Variants in SEPTIN10 observed in about 807,000 individuals in gnomAD.
SEPTIN10 encodes septin 10.
SEPTIN10 carries 66 observed loss-of-function variants against 54.8 expected under a neutral mutation model. That is an observed-to-expected ratio of 1.21 (90% confidence interval 0.99 to 1.48). SEPTIN10 has a LOEUF of 1.48. Among genes scored for constraint, SEPTIN10 ranks in the 40% most tolerant of loss-of-function variants. The pLI is 0.00. For synonymous variants in SEPTIN10, 161 were observed against 181.0 expected (o/e 0.89, Z 0.89); for missense variants, 620 against 545.6 (o/e 1.14, Z -1.36).
intron 4 of SEPTIN10, among the ~76,000 whole-genome samples, chr2:109,583,147 C>G (rs1262506787): frequency 6.6e-6 from 1 of 152,112 alleles, no homozygotes; most frequent in Non-Finnish European, 1.5e-5. Flanking sequence ...TCCTGAAAAG[C>G]AAATGCAACA....
At chr2:109,558,548 T>C (rs945782808) in intron 8 of SEPTIN10, among the ~76,000 whole-genome samples, 1 of 152,200 alleles carries the variant, frequency 6.6e-6, no homozygotes, top group Admixed American at 6.5e-5. Flanking sequence ...TTTCCAATGG[T>C]TGAAATAATT....
rs1680745508 is a variant in SEPTIN10 at position 109,544,773 on chromosome 2, CTATT to C, written c.1350-453_1350-450del. 4 of 817,764 alleles carry C rather than the reference CTATT, an allele frequency of 4.9e-6. No homozygotes were observed. The South Asian group carries it at 1.7e-4, about 34-fold the overall frequency. 50.7% of individuals were successfully genotyped at this position (817,764 alleles called of 1,614,324 possible). ...GCTTGAATAAAATACAGCTTTTATA[CTATT>C]TATTCTTTCAAAAATAATTGCATGC... On this transcript the variant is annotated intron_variant, in intron 10 of 10. Transcript: ENST00000397712.
Position 109,558,077 on chromosome 2 carries a change from C to T in SEPTIN10, c.1029-4858G>A, listed in dbSNP as rs550411021. ...ATAGTGTTGGGATTACAGGCGTGAACGACTGCACCTGGCCTGACATGAATA... is the reference window on the plus strand; with the variant it reads ...ATAGTGTTGGGATTACAGGCGTGAATGACTGCACCTGGCCTGACATGAATA... On this transcript the variant is annotated intron_variant, in intron 8 of 10. Transcript: ENST00000397712. Among the ~76,000 whole-genome samples, 11 of 152,228 alleles carry T rather than the reference C, an allele frequency of 7.2e-5. No individual in the cohort carries two copies. In the South Asian group the frequency reaches 1.5e-3, roughly 20 times the overall value.
At chr2:109,610,409 C>T (rs923479271) in intron 1 of SEPTIN10, among the ~76,000 whole-genome samples, 3 of 151,906 alleles carry the variant, frequency 2.0e-5, no homozygotes, top group Non-Finnish European at 4.4e-5. Flanking sequence ...TTTTAATATC[C>T]TCTTCTATTA....
chr2:109,590,378 C>A (rs796237514), intron 2 of SEPTIN10, among the ~76,000 whole-genome samples: 1 of 151,602 alleles, frequency 6.6e-6, no homozygotes, highest in Non-Finnish European at 1.5e-5. Context: ...AGTCAGTCTT[C>A]GGAAGGGAGA....
At chr2:109,587,352 A>G (rs1692795369) in intron 2 of SEPTIN10, among the ~76,000 whole-genome samples, 2 of 152,212 alleles carry the variant, frequency 1.3e-5, no homozygotes, top group South Asian at 4.1e-4. Flanking sequence ...AGATAAAACT[A>G]TGACAGTCTT....
At position 109,564,439 on chromosome 2, in the gene SEPTIN10, A is replaced by T. The variant is rs1329599321; in HGVS notation, c.955T>A (p.Tyr319Asn). 1 of 1,599,308 alleles carries T rather than the reference A, an allele frequency of 6.3e-7. No individual in the cohort carries two copies. ...AGTTTGCAGCGCCTGTAAAGCTCAT[A>T]GTGCCTGGTATGGGTCTGCTCTCGC... The part of the protein sequence containing the change: ...DLREQTHTRH[Y>N]ELYRRCKLEE... The change falls in exon 8 of 11, where the codon TAT becomes AAT. Residue 319 changes from tyrosine (Y) to asparagine (N), a missense_variant. Transcript: ENST00000397712.
At chr2:109,607,490 A>C (rs1161919396) in intron 1 of SEPTIN10, among the ~76,000 whole-genome samples, 1 of 152,172 alleles carries the variant, frequency 6.6e-6, no homozygotes, top group African/African-American at 2.4e-5. Context: ...GGACAAAAAT[A>C]AATAAATAAA....
intron 8 of SEPTIN10, among the ~76,000 whole-genome samples, chr2:109,557,851 CTTTT>C (rs202104089): frequency 7.1e-6 from 1 of 140,796 alleles, no homozygotes. Flanking sequence ...TCATAATTTT[CTTTT>C]TTTTTTTTTT....
intron 9 of SEPTIN10, 107 bp from the exon 10 acceptor site, chr2:109,546,344 C>T (rs1681238416): frequency 1.7e-6 from 1 of 590,806 alleles, no homozygotes; most frequent in Non-Finnish European, 2.7e-6. Flanking sequence ...ACAGAATAAC[C>T]TACACAGTCA....
chr2:109,563,602 T>G (rs1248850064), intron 8 of SEPTIN10, among the ~76,000 whole-genome samples: 1 of 152,140 alleles, frequency 6.6e-6, no homozygotes, highest in African/African-American at 2.4e-5. Context: ...CCATATAAAA[T>G]TACCAAGGAA....
At chr2:109,613,214 A>T in intron 1 of SEPTIN10, 1 of 1,282,250 alleles carries the variant, frequency 7.8e-7, no homozygotes, top group Non-Finnish European at 1.0e-6. Flanking sequence ...AAGCGAGATA[A>T]ATCTACAAAA....
chr2:109,554,757 G>T (rs191602230), intron 8 of SEPTIN10, among the ~76,000 whole-genome samples: 30 of 152,206 alleles, frequency 2.0e-4, no homozygotes, highest in Non-Finnish European at 2.2e-4. Context: ...CCTCATATAT[G>T]TAACAGGTAC....
At position 109,590,046 on chromosome 2, in the gene SEPTIN10, ATATG is replaced by A. The variant is rs199516583; in HGVS notation, c.99+3001_99+3004del. On this transcript the variant is annotated intron_variant, in intron 2 of 10. Transcript: ENST00000397712. The stretch of plus-strand genomic sequence containing the variant: ...TACACACACATATATACACACATAT[ATATG>A]TGTGTGTATATATATACACACACAT... Among the ~76,000 whole-genome samples, 1,219 of 147,746 alleles carry A rather than the reference ATATG, an allele frequency of 8.3e-3. 12 individuals are homozygous for A. Among genetic ancestry groups the A allele is most frequent in the Non-Finnish European group, 0.013 (869 of 67,212 alleles).
intron 2 of SEPTIN10, among the ~76,000 whole-genome samples, chr2:109,590,078 A>ATATGTATATATATACACACATATATATG (rs1346301552): frequency 6.8e-5 from 10 of 147,576 alleles, no homozygotes; most frequent in East Asian, 5.9e-4. Flanking sequence ...ACACACATAT[A>ATATGTATATATATACACACATATATATG]TATGTATATA....
At chr2:109,560,828 C>T (rs1259839580) in intron 8 of SEPTIN10, among the ~76,000 whole-genome samples, 1 of 152,118 alleles carries the variant, frequency 6.6e-6, no homozygotes, top group East Asian at 1.9e-4. Context: ...CTTCTAGCCT[C>T]CTGCTTTCTC....
At chr2:109,545,535 C>T (rs943259166) in intron 10 of SEPTIN10, 1 of 1,535,908 alleles carries the variant, frequency 6.5e-7, no homozygotes, top group South Asian at 1.2e-5. Flanking sequence ...AATCGACAGC[C>T]TGGTTCCCTT....
chr2:109,600,218 G>C (rs995953334), intron 1 of SEPTIN10, among the ~76,000 whole-genome samples: 1 of 152,018 alleles, frequency 6.6e-6, no homozygotes, highest in African/African-American at 2.4e-5. Flanking sequence ...TTCCTTGCAC[G>C]GCTATTAAGA....
At chr2:109,603,082 A>C (rs1055077263) in intron 1 of SEPTIN10, among the ~76,000 whole-genome samples, 3 of 151,208 alleles carry the variant, frequency 2.0e-5, no homozygotes, top group Admixed American at 6.6e-5. Context: ...AAAACAAAAC[A>C]AAAAAAACAA....
Sources: allele counts gnomAD v4.1 joint callset (sites outside exome capture counted in the v4.1 genomes callset), GRCh38; gene constraint gnomAD v4.1.1; transcripts MANE v1.5; gene names NCBI Gene and HGNC (gene_info 2026-07-23, HGNC 2026-07-21).